MTHFD2L: variants seen among roughly 807,000 people sequenced by gnomAD.
MTHFD2L encodes bifunctional methylenetetrahydrofolate dehydrogenase/cyclohydrolase 2, mitochondrial.
A neutral mutation model predicts 34.9 loss-of-function variants in MTHFD2L; 29 were observed. The ratio of observed to expected loss-of-function variants is 0.83; its 90% CI spans 0.62 to 1.13. The LOEUF is 1.13. Among genes scored for constraint, MTHFD2L ranks in the 50% most tolerant of loss-of-function variants. MTHFD2L has a pLI of 0.00. For missense variants in MTHFD2L, 481 were observed against 446.5 expected (o/e 1.08, Z -0.70); for synonymous variants, 167 against 155.7 (o/e 1.07, Z -0.54).
At chr4:74,233,763 AT>A (rs1277778313) in intron 6 of MTHFD2L, among the ~76,000 whole-genome samples, 2 of 151,082 alleles carry the variant, frequency 1.3e-5, no homozygotes, top group Admixed American at 6.6e-5. Flanking sequence ...ACAAAGTTTT[AT>A]TTTTTTTTCT....
chr4:74,210,861 C>T (rs552213051), intron 5 of MTHFD2L, among the ~76,000 whole-genome samples: 1 of 152,112 alleles, frequency 6.6e-6, no homozygotes, highest in Admixed American at 6.5e-5. Flanking sequence ...CTCTTATTTC[C>T]TTGAGCAGTG....
rs1426047071 is a variant in MTHFD2L at position 74,225,409 on chromosome 4, A to T, written c.805+15A>T. Reference sequence around the variant, plus strand: ...AGTTGCTGCAGGTAAGTCCTTAGTGACTGTTATTTTTTGGAATGTCATCAG... The same window carrying T: ...AGTTGCTGCAGGTAAGTCCTTAGTGTCTGTTATTTTTTGGAATGTCATCAG... On this transcript the variant is annotated intron_variant, in intron 6 of 7. Transcript: ENST00000325278. The T allele has an allele frequency of 1.9e-6, 3 of 1,601,886 alleles. No individual in the cohort carries two copies. The South Asian group carries it at 3.3e-5, about 18-fold the overall frequency.
In MTHFD2L at chr4:74,190,174, C is replaced by CT. The variant is rs145105702; in HGVS notation, c.452-9619dup. Among the ~76,000 whole-genome samples, 1,303 of 152,212 alleles carry CT rather than the reference C, an allele frequency of 8.6e-3. 16 individuals are homozygous for CT. Among genetic ancestry groups the CT allele is most frequent in the African/African-American group, 0.03 (1,243 of 41,526 alleles). On this transcript the variant is annotated intron_variant, in intron 3 of 7. Coordinates refer to ENST00000325278, the MANE Select transcript of MTHFD2L (RefSeq NM_001144978.3). ...TATTAGAATTGGCCTGTTCACTAAT[C>CT]TAAGTGTTTTCTTCTATAGAATACA...
intron 1 of MTHFD2L, chr4:74,164,979 A>G: frequency 1.0e-6 from 1 of 985,386 alleles, no homozygotes; most frequent in Non-Finnish European, 1.2e-6. Context: ...CACATCATGT[A>G]AACAATATCT....
chr4:74,138,054 T>C (rs1402117546), intron 1 of MTHFD2L, among the ~76,000 whole-genome samples: 2 of 151,532 alleles, frequency 1.3e-5, no homozygotes, highest in African/African-American at 4.8e-5. Context: ...ATACATAAAT[T>C]TTATATATAT....
At chr4:74,222,844 T>G (rs1033861090) in intron 5 of MTHFD2L, among the ~76,000 whole-genome samples, 1 of 152,106 alleles carries the variant, frequency 6.6e-6, no homozygotes, top group Non-Finnish European at 1.5e-5. Context: ...TACTCTCATT[T>G]TTTTACATGA....
intron 6 of MTHFD2L, among the ~76,000 whole-genome samples, chr4:74,259,844 A>G (rs1194297490): frequency 6.6e-6 from 1 of 152,200 alleles, no homozygotes; most frequent in Non-Finnish European, 1.5e-5. Flanking sequence ...ATAATTGATT[A>G]GACATTGGAG....
At chr4:74,164,143 T>A (rs1210054187) in intron 1 of MTHFD2L, among the ~76,000 whole-genome samples, 2 of 152,248 alleles carry the variant, frequency 1.3e-5, no homozygotes, top group Non-Finnish European at 2.9e-5. Context: ...CCCAAAGTGC[T>A]GGGATTACAG....
chr4:74,125,460 A>G (rs1722001955), exon 1 of MTHFD2L: 1 of 152,204 alleles, frequency 6.6e-6, no homozygotes, highest in Admixed American at 6.5e-5. Flanking sequence ...ATTCATGAAG[A>G]GACCTCTGCC....
chr4:74,203,890 A>G (rs1734861121), intron 5 of MTHFD2L, among the ~76,000 whole-genome samples: 1 of 58,020 alleles, frequency 1.7e-5, no homozygotes, highest in African/African-American at 5.4e-5. Flanking sequence ...CCAAGAGCCA[A>G]TTTGCAGTTT....
intron 6 of MTHFD2L, among the ~76,000 whole-genome samples, chr4:74,270,314 T>C (rs968329767): frequency 6.6e-6 from 1 of 151,858 alleles, no homozygotes; most frequent in African/African-American, 2.4e-5. Flanking sequence ...ATGTTTTCCC[T>C]CCCCCCTTCC....
In MTHFD2L at chr4:74,256,991, T is replaced by G. The variant is rs550988553; in HGVS notation, c.806-24434T>G. Reference sequence around the variant, plus strand: ...TTTAGAATTTTTTTTTCTAATTATGTGAAAAGATGACATTGGTAGTTTCAT... The same window carrying G: ...TTTAGAATTTTTTTTTCTAATTATGGGAAAAGATGACATTGGTAGTTTCAT... On this transcript the variant is annotated intron_variant, in intron 6 of 7. Transcript: ENST00000325278. Among the ~76,000 whole-genome samples, 24 of 152,310 alleles carry G rather than the reference T, an allele frequency of 1.6e-4. No individual in the cohort carries two copies. In the South Asian group the frequency reaches 4.6e-3, roughly 29 times the overall value.
At chr4:74,291,003 C>CCTTTTTTTTTTTTTTTTTTTT (rs1748846516) in intron 7 of MTHFD2L, among the ~76,000 whole-genome samples, 3 of 29,272 alleles carry the variant, frequency 1.0e-4, no homozygotes, top group Non-Finnish European at 2.0e-4. Context: ...TTTTCCTTTT[C>CCTTTTTTTTTTTTTTTTTTTT]TTTTTTTTTT....
intron 6 of MTHFD2L, among the ~76,000 whole-genome samples, chr4:74,256,852 G>C (rs1472923706): frequency 6.6e-6 from 1 of 152,182 alleles, no homozygotes; most frequent in Non-Finnish European, 1.5e-5. Context: ...TGGCTGTATA[G>C]GTTGAAGTTG....
At chr4:74,130,115 G>T (rs1167020750) in intron 1 of MTHFD2L, among the ~76,000 whole-genome samples, 1 of 152,096 alleles carries the variant, frequency 6.6e-6, no homozygotes, top group Non-Finnish European at 1.5e-5. Flanking sequence ...ACCAAGAAAA[G>T]CCCAGGACCA....
rs189842265 is a variant in MTHFD2L at position 74,238,992 on chromosome 4, C to T, written c.805+13598C>T. On this transcript the variant is annotated intron_variant, in intron 6 of 7. Coordinates refer to ENST00000325278, the MANE Select transcript of MTHFD2L (RefSeq NM_001144978.3). ...CAGCGATCCCATTACTGGGTATACA[C>T]CCAAAGGCTTATAAATCATGCTACT... 6.8e-3 allele frequency among the ~76,000 whole-genome samples: 1,034 copies of T among 152,302 alleles called. 10 individuals are homozygous for T. The highest frequency in any genetic ancestry group is 0.051 in the Middle Eastern group (15 of 294).
upstream of MTHFD2L, chr4:74,157,988 T>C: frequency 1.6e-6 from 2 of 1,224,448 alleles, no homozygotes; most frequent in Non-Finnish European, 2.3e-6. Context: ...GGAACCGCTC[T>C]TTACCCCACT....
At chr4:74,135,882 T>C (rs1240778546) in intron 1 of MTHFD2L, among the ~76,000 whole-genome samples, 1 of 152,158 alleles carries the variant, frequency 6.6e-6, no homozygotes. Flanking sequence ...CATATAATTA[T>C]TTCAATAGAT....
chr4:74,277,714 A>G (rs948909466), intron 6 of MTHFD2L, among the ~76,000 whole-genome samples: 1 of 152,104 alleles, frequency 6.6e-6, no homozygotes, highest in African/African-American at 2.4e-5. Flanking sequence ...CCAAAACCAT[A>G]TAGAGTAAAA....
Sources: allele counts gnomAD v4.1 joint callset (sites outside exome capture counted in the v4.1 genomes callset), GRCh38; gene constraint gnomAD v4.1.1; transcripts MANE v1.5; gene names NCBI Gene and HGNC (gene_info 2026-07-23, HGNC 2026-07-21).